The following C20orf203 variants were observed in gnomAD, a reference collection of about 807,000 sequenced individuals.
C20orf203 encodes chromosome 20 open reading frame 203, also known as uncharacterized protein C20orf203.
C20orf203 carries 16 observed loss-of-function variants against 15.9 expected under a neutral mutation model. That is an observed-to-expected ratio of 1.01 (90% CI 0.68 to 1.53). The LOEUF (loss-of-function observed/expected upper bound fraction) is 1.53. Ranked by LOEUF, C20orf203 falls within the 40% of genes most tolerant of loss-of-function variation. The pLI, the probability that C20orf203 is intolerant of heterozygous loss-of-function variation, is 0.00. For synonymous variants in C20orf203, 98 were observed against 97.2 expected (o/e 1.01, Z -0.05); for missense variants, 263 against 247.5 (o/e 1.06, Z -0.42).
chr20:32,645,025 C>T (rs992529633), intron 4 of C20orf203, among the ~76,000 whole-genome samples: 2 of 152,052 alleles, frequency 1.3e-5, no homozygotes, highest in African/African-American at 4.8e-5. Flanking sequence ...CCACACCTCG[C>T]TCTCCAGGCC....
intron 5 of C20orf203, among the ~76,000 whole-genome samples, chr20:32,637,386 A>G (rs916659340): frequency 3.9e-5 from 6 of 152,146 alleles, no homozygotes; most frequent in African/African-American, 1.4e-4. Context: ...GCTGCACTCC[A>G]ACCTGGGTGA....
chr20:32,635,671 C>G (rs577811260), intron 5 of C20orf203, among the ~76,000 whole-genome samples: 4 of 152,034 alleles, frequency 2.6e-5, no homozygotes, highest in African/African-American at 9.6e-5. Flanking sequence ...ATTAGCTGGG[C>G]ATGGTGGTGT....
At chr20:32,643,625 CCA>C (rs56325748) in intron 4 of C20orf203, among the ~76,000 whole-genome samples, 19,447 of 140,170 alleles carry the variant, frequency 0.14, 1,481 homozygotes, top group East Asian at 0.26. Flanking sequence ...CTTCCTGGAA[CCA>C]CACACACACA....
chr20:32,655,002 A>G (rs558003594), intron 1 of C20orf203, among the ~76,000 whole-genome samples: 1 of 152,354 alleles, frequency 6.6e-6, no homozygotes, highest in Non-Finnish European at 1.5e-5. Context: ...GAGTCCAGAA[A>G]TAAACCCTCA....
intron 4 of C20orf203, among the ~76,000 whole-genome samples, chr20:32,645,997 C>T (rs1473609936): frequency 6.7e-6 from 1 of 149,276 alleles, no homozygotes; most frequent in African/African-American, 2.5e-5. Flanking sequence ...CCAGTTTCTC[C>T]ATCTACACAG....
intron 1 of C20orf203, among the ~76,000 whole-genome samples, chr20:32,672,444 A>T (rs1600944698): frequency 6.6e-6 from 1 of 151,962 alleles, no homozygotes; most frequent in South Asian, 2.1e-4. Context: ...GTGGTGGCGC[A>T]TGCCTGTAGT....
chr20:32,672,124 G>A (rs1176925379), intron 1 of C20orf203, among the ~76,000 whole-genome samples: 1 of 152,058 alleles, frequency 6.6e-6, no homozygotes, highest in Non-Finnish European at 1.5e-5. Flanking sequence ...AGACCAGCCT[G>A]ACCAACACAG....
rs936764880 is a variant in C20orf203 at position 32,634,151 on chromosome 20, G to A, written c.*1419C>T. The A allele has an allele frequency of 2.4e-4, 97 of 398,516 alleles. No homozygotes were observed. The highest frequency in any genetic ancestry group is 2.0e-3 in the African/African-American group (95 of 48,614). The allele number at this position is 398,516 out of a possible 1,614,324, so 24.7% of individuals were successfully genotyped here. ...CACTTGTTACCCAGAGACCCAGAGA[G>A]ATGCAGCTCTGATGGAGATGGCGCA... On this transcript the variant is annotated 3_prime_UTR_variant, in exon 6 of 6. Coordinates refer to ENST00000608990, the MANE Select transcript of C20orf203 (RefSeq NM_182584.4).
intron 5 of C20orf203, among the ~76,000 whole-genome samples, chr20:32,637,369 C>T (rs375892397): frequency 3.6e-4 from 55 of 152,210 alleles, no homozygotes; most frequent in African/African-American, 1.2e-3. Context: ...GCCAAGATCA[C>T]GCCACTGCTG....
rs113321485 is a variant in C20orf203, at chr20:32,655,917, G to A, written c.-263-3936C>T. 5.4e-3 allele frequency among the ~76,000 whole-genome samples: 826 copies of A among 152,358 alleles called. 8 individuals are homozygous for A. The highest frequency in any genetic ancestry group is 0.018 in the African/African-American group (765 of 41,592). ...GCCTGCTGGGAGATGTTTGGGTCAC[G>A]GAGGTGACTCCCTCATGAATGGCTT... On this transcript the variant is annotated intron_variant, in intron 1 of 5. Transcript: ENST00000608990.
At chr20:32,636,570 C>T (rs918504203) in intron 5 of C20orf203, among the ~76,000 whole-genome samples, 44 of 152,158 alleles carry the variant, frequency 2.9e-4, no homozygotes, top group African/African-American at 4.8e-5. Context: ...TCTGCAGACA[C>T]GCAAGGCCCC....
intron 1 of C20orf203, among the ~76,000 whole-genome samples, chr20:32,662,745 T>C (rs1982919422): frequency 1.3e-5 from 2 of 151,864 alleles, no homozygotes; most frequent in South Asian, 4.2e-4. Flanking sequence ...CTGCCAAGCA[T>C]GGTGGCTCAT....
chr20:32,659,272 T>G (rs1386743821), intron 1 of C20orf203, among the ~76,000 whole-genome samples: 1 of 152,180 alleles, frequency 6.6e-6, no homozygotes, highest in Non-Finnish European at 1.5e-5. Flanking sequence ...AATCCTGGCT[T>G]GATGAAGGTC....
At chr20:32,652,181 C>T (rs184548244) in intron 1 of C20orf203, among the ~76,000 whole-genome samples, 200 bp from the exon 2 acceptor site, 9 of 151,880 alleles carry the variant, frequency 5.9e-5, no homozygotes, top group Non-Finnish European at 1.0e-4. Flanking sequence ...TGGTGGTGCA[C>T]GCCTGTAGTA....
chr20:32,638,889 A>T (rs562148937), intron 5 of C20orf203, among the ~76,000 whole-genome samples: 1 of 152,284 alleles, frequency 6.6e-6, no homozygotes, highest in South Asian at 2.1e-4. Flanking sequence ...GGCCTGACTC[A>T]CCTGGTGATA....
chr20:32,636,226 G>A (rs1005616764), intron 5 of C20orf203, among the ~76,000 whole-genome samples: 4 of 152,114 alleles, frequency 2.6e-5, no homozygotes, highest in African/African-American at 4.8e-5. Context: ...TTTGTTTCCC[G>A]CCTCCAATAT....
At chr20:32,666,797 T>TTATATATATATATATATATATATATATA (rs34933326) in intron 1 of C20orf203, among the ~76,000 whole-genome samples, 30 of 65,572 alleles carry the variant, frequency 4.6e-4, no homozygotes, top group Non-Finnish European at 7.2e-4. Context: ...TAATTTTAAT[T>TTATATATATATATATATATATATATATA]TATATATATA....
chr20:32,634,955 T>G (rs1245609307), intron 5 of C20orf203, among the ~76,000 whole-genome samples: 5 of 152,210 alleles, frequency 3.3e-5, no homozygotes, highest in African/African-American at 1.2e-4. Flanking sequence ...ATCCCAACAC[T>G]TTGGGAGGCC....
chr20:32,648,968 A>G (rs888285535), intron 4 of C20orf203, among the ~76,000 whole-genome samples: 3 of 152,088 alleles, frequency 2.0e-5, no homozygotes, highest in African/African-American at 7.2e-5. Context: ...TTCCTTACTC[A>G]TTTGTTCTCA....
Sources: allele counts gnomAD v4.1 joint callset (sites outside exome capture counted in the v4.1 genomes callset), GRCh38; gene constraint gnomAD v4.1.1; transcripts MANE v1.5; gene names NCBI Gene and HGNC (gene_info 2026-07-23, HGNC 2026-07-21).